CHN1: variants seen among roughly 807,000 people sequenced by gnomAD.
CHN1 encodes chimerin 1.
CHN1 carries 37 observed loss-of-function variants against 59.5 expected under a neutral mutation model. The observed-to-expected ratio is 0.62, with a 90% CI of 0.48 to 0.82. The LOEUF is 0.82. Ranked by LOEUF, CHN1 falls within the 40% of genes least tolerant of loss-of-function variation. The pLI, the probability that CHN1 is intolerant of heterozygous loss-of-function variation, is 0.00. For synonymous variants in CHN1, 206 were observed against 200.4 expected, an observed-to-expected ratio of 1.03 and a Z score of -0.24; for missense variants, 469 against 571.0, an observed-to-expected ratio of 0.82 and a Z score of 1.82.
intron 1 of CHN1, 126 bp downstream of exon 1, chr2:175,004,768 G>C: frequency 5.8e-6 from 2 of 346,676 alleles, no homozygotes; most frequent in Non-Finnish European, 8.2e-6. Flanking sequence ...CCAACTCTGC[G>C]GCCCCGGCCC....
chr2:174,968,638 T>A (rs1373588296), intron 1 of CHN1, among the ~76,000 whole-genome samples: 2 of 152,218 alleles, frequency 1.3e-5, no homozygotes, highest in African/African-American at 4.8e-5. Flanking sequence ...AACCAGAATA[T>A]GAAAGATCTG....
At chr2:174,921,051 G>A (rs1016687042) in intron 3 of CHN1, 2 of 402,518 alleles carry the variant, frequency 5.0e-6, no homozygotes, top group South Asian at 3.5e-5. Context: ...TGATCTGAGA[G>A]GAGGCAGAGC....
At chr2:174,934,238 A>G (rs1448168990) in intron 3 of CHN1, among the ~76,000 whole-genome samples, 7 of 152,230 alleles carry the variant, frequency 4.6e-5, no homozygotes, top group Non-Finnish European at 8.8e-5. Flanking sequence ...TTTTCTTGCA[A>G]CTAGACAGTC....
At chr2:174,885,767 A>G (rs1450416192) in intron 5 of CHN1, among the ~76,000 whole-genome samples, 1 of 152,144 alleles carries the variant, frequency 6.6e-6, no homozygotes, top group East Asian at 1.9e-4. Context: ...CTGGCCTACA[A>G]ACAACTTTTC....
At chr2:174,900,617 C>T (rs750230880) in intron 5 of CHN1, among the ~76,000 whole-genome samples, 4 of 152,078 alleles carry the variant, frequency 2.6e-5, no homozygotes, top group Non-Finnish European at 4.4e-5. Context: ...ACCAACCTGG[C>T]CAACATGGTG....
chr2:174,929,721 T>C (rs900045152), intron 3 of CHN1, among the ~76,000 whole-genome samples: 6 of 152,256 alleles, frequency 3.9e-5, no homozygotes, highest in African/African-American at 1.4e-4. Context: ...AACTTCTTTG[T>C]ATTCACTATT....
intron 1 of CHN1, among the ~76,000 whole-genome samples, chr2:174,995,044 G>A (rs1007213437): frequency 1.3e-5 from 2 of 152,196 alleles, no homozygotes; most frequent in Non-Finnish European, 2.9e-5. Flanking sequence ...TAAATGTTTA[G>A]ATTGATTGAA....
At chr2:174,920,920 G>T in intron 3 of CHN1, 1 of 424,698 alleles carries the variant, frequency 2.4e-6, no homozygotes, top group South Asian at 1.7e-5. Context: ...CCCATCTGGG[G>T]GTGATGGGAG....
chr2:174,997,622 C>G (rs1033226932), intron 1 of CHN1, among the ~76,000 whole-genome samples: 2 of 152,140 alleles, frequency 1.3e-5, no homozygotes, highest in African/African-American at 4.8e-5. Flanking sequence ...GACATCCACA[C>G]CACTCACCTG....
intron 6 of CHN1, among the ~76,000 whole-genome samples, chr2:174,849,045 C>T (rs1008923282): frequency 6.6e-6 from 1 of 152,106 alleles, no homozygotes; most frequent in Non-Finnish European, 1.5e-5. Flanking sequence ...AAAACAGCTC[C>T]AAACACAAGT....
chr2:174,851,801 G>A (rs1686737989), intron 6 of CHN1, among the ~76,000 whole-genome samples: 1 of 152,198 alleles, frequency 6.6e-6, no homozygotes, highest in African/African-American at 2.4e-5. Context: ...AAAAGAAGAA[G>A]TCAAACTATT....
At chr2:174,900,915 T>C (rs1688371769) in intron 5 of CHN1, among the ~76,000 whole-genome samples, 5 of 151,998 alleles carry the variant, frequency 3.3e-5, no homozygotes, top group Admixed American at 3.3e-4. Flanking sequence ...AAAGATTCAC[T>C]GAAGTGTAAC....
chr2:174,942,707 A>C (rs775588961), intron 3 of CHN1, among the ~76,000 whole-genome samples: 1 of 152,244 alleles, frequency 6.6e-6, no homozygotes, highest in Non-Finnish European at 1.5e-5. Context: ...ACTCTGTACT[A>C]CACAAATATG....
chr2:174,948,046 G>A (rs1282435262), intron 2 of CHN1, among the ~76,000 whole-genome samples: 2 of 152,110 alleles, frequency 1.3e-5, no homozygotes, highest in East Asian at 1.9e-4. Context: ...CCTTAGAAGT[G>A]TCAATGAGTA....
At chr2:174,925,513 C>G (rs910019242) in intron 3 of CHN1, among the ~76,000 whole-genome samples, 1 of 152,140 alleles carries the variant, frequency 6.6e-6, no homozygotes, top group Non-Finnish European at 1.5e-5. Flanking sequence ...TTTCCTGGAC[C>G]TAGGAGTGAT....
intron 6 of CHN1, among the ~76,000 whole-genome samples, chr2:174,863,174 A>G (rs950417444): frequency 6.6e-6 from 1 of 152,204 alleles, no homozygotes; most frequent in Non-Finnish European, 1.5e-5. Context: ...ATATGTCAAC[A>G]TTTGGAAGAC....
intron 1 of CHN1, among the ~76,000 whole-genome samples, chr2:174,972,430 A>G (rs573700955): frequency 1.3e-5 from 2 of 152,292 alleles, no homozygotes; most frequent in East Asian, 3.9e-4. Context: ...AATTCCCCTA[A>G]GCTAAACATT....
rs556391004 is a variant in CHN1, at chr2:174,984,260, ACT to A, written c.19+20632_19+20633del. On this transcript the variant is annotated intron_variant, in intron 1 of 12. Coordinates refer to ENST00000409900, the MANE Select transcript of CHN1 (RefSeq NM_001822.7). ...CCTTACATCTGCTCCTACATATAAT[ACT>A]CTCTGATCCATGTTTCTCAAGAAGT... Among the ~76,000 whole-genome samples the A allele has an allele frequency of 8.0e-4, 121 of 151,008 alleles. 2 individuals are homozygous for A. The highest frequency in any genetic ancestry group is 1.9e-3 in the South Asian group (9 of 4,780).
intron 11 of CHN1, among the ~76,000 whole-genome samples, chr2:174,807,883 T>G (rs567143557): frequency 6.6e-6 from 1 of 152,272 alleles, no homozygotes; most frequent in African/African-American, 2.4e-5. Flanking sequence ...CATCTAAAGA[T>G]GAAGACAACA....
Sources: gnomAD v4.1 joint callset for allele counts (sites outside exome capture counted in the v4.1 genomes callset) on GRCh38, gnomAD v4.1.1 for gene constraint, MANE v1.5 for transcripts, NCBI Gene and HGNC (gene_info 2026-07-23, HGNC 2026-07-21) for gene names.